CHD1L: variants seen among roughly 807,000 people sequenced by gnomAD.
CHD1L encodes ATP-dependent chromatin remodeler CHD1L.
In CHD1L, 118 loss-of-function variants were observed where a neutral mutation model predicts 115.9. That is an observed-to-expected ratio of 1.02 (90% CI 0.88 to 1.19). The LOEUF (loss-of-function observed/expected upper bound fraction) is 1.19, where lower values mean the gene tolerates loss of function less well. Among genes scored for constraint, CHD1L ranks in the 50% most tolerant of loss-of-function variants. The pLI, the probability that CHD1L is intolerant of heterozygous loss-of-function variation, is 0.00. For missense variants in CHD1L, 1,179 were observed against 1,065.3 expected, an observed-to-expected ratio of 1.11 and a Z score of -1.49; for synonymous variants, 411 against 387.1, an observed-to-expected ratio of 1.06 and a Z score of -0.72.
chr1:147,177,257 T>C, the CHD1L span, among the ~76,000 whole-genome samples: 1 of 152,136 alleles, frequency 6.6e-6, no homozygotes, highest in African/African-American at 2.4e-5. Context: ...AGGAGCCAAC[T>C]AAAAGAGCTC....
At chr1:147,259,787 AAT>A (rs1233120799) in intron 5 of CHD1L, 48 bp from the exon 6 acceptor site, 1 of 1,470,374 alleles carries the variant, frequency 6.8e-7, no homozygotes, top group Non-Finnish European at 9.5e-7. Context: ...TTGATTGTGA[AAT>A]ATGTGTTTAA....
intron 19 of CHD1L, among the ~76,000 whole-genome samples, chr1:147,290,814 T>G (rs781823328): frequency 5.9e-5 from 9 of 151,706 alleles, no homozygotes; most frequent in Non-Finnish European, 1.3e-4. Context: ...ACACCAAACC[T>G]AACTTTTTCT....
At chr1:147,287,276 A>G (rs782651939) in intron 18 of CHD1L, among the ~76,000 whole-genome samples, 10 of 152,166 alleles carry the variant, frequency 6.6e-5, no homozygotes, top group Non-Finnish European at 1.2e-4. Flanking sequence ...ACTGTTTCAT[A>G]ACCTTGCCTA....
chr1:147,190,324 C>T, the CHD1L span: 16 of 931,846 alleles, frequency 1.7e-5, no homozygotes, highest in Middle Eastern at 2.9e-4. Flanking sequence ...AATTACTATG[C>T]TATGGAGAAT....
chr1:147,269,794 C>G (rs1675442004), intron 10 of CHD1L, among the ~76,000 whole-genome samples: 1 of 152,106 alleles, frequency 6.6e-6, no homozygotes, highest in Non-Finnish European at 1.5e-5. Context: ...GCCCAGATTC[C>G]CATGGGTTTC....
At chr1:147,272,134 A>G in intron 11 of CHD1L, 37 bp from the exon 12 acceptor site, 2 of 1,541,114 alleles carry the variant, frequency 1.3e-6, no homozygotes, top group Non-Finnish European at 1.8e-6. Context: ...CTACTTGAAA[A>G]GGGTTAAGAT....
chr1:147,188,661 G>A, the CHD1L span, among the ~76,000 whole-genome samples: 7 of 151,004 alleles, frequency 4.6e-5, no homozygotes, highest in Non-Finnish European at 8.8e-5. Context: ...TTTAATAAAG[G>A]TTACATGTAT....
At position 147,295,482 on chromosome 1, in the gene CHD1L, TTCC is replaced by T. The variant is rs1553976324; in HGVS notation, c.2673_2675del (p.Ser892del). ...CTGTCCTTCATTCACAGTCTTCATC[TTCC>T]TCCTCAAGACAGCTGGTGCCTTAAG... is the stretch of plus-strand genomic sequence containing the variant. On this transcript the variant is annotated inframe_deletion, in exon 23 of 23. Transcript: ENST00000369258. The T allele has an allele frequency of 5.6e-6, 9 of 1,611,120 alleles. No individual in the cohort carries two copies. The highest frequency in any genetic ancestry group is 8.5e-7 in the Non-Finnish European group (1 of 1,178,406).
chr1:147,268,679 A>G (rs1249783535), intron 9 of CHD1L, 103 bp from the exon 10 acceptor site: 6 of 817,492 alleles, frequency 7.3e-6, no homozygotes, highest in Non-Finnish European at 1.2e-5. Flanking sequence ...CATGCAAACA[A>G]CTACTTATAT....
chr1:147,253,991 T>G (rs1553938146), intron 2 of CHD1L, among the ~76,000 whole-genome samples: 1 of 152,256 alleles, frequency 6.6e-6, no homozygotes, highest in African/African-American at 2.4e-5. Context: ...CTGTTTAATC[T>G]TGATAGGAAC....
At chr1:147,218,487 C>T in the CHD1L span, among the ~76,000 whole-genome samples, 1,932 of 152,186 alleles carry the variant, frequency 0.013, 41 homozygotes, top group African/African-American at 0.045. Context: ...CCGCCCGCCT[C>T]AGCCTCCCAA....
chr1:147,213,351 A>G, the CHD1L span: 3 of 1,613,286 alleles, frequency 1.9e-6, no homozygotes, highest in Non-Finnish European at 2.5e-6. Context: ...TGTGATGGCC[A>G]GTGCAAACCA....
At chr1:147,264,281 A>G (rs1398335654) in intron 6 of CHD1L, 141 bp from the exon 7 acceptor site, 13 of 722,502 alleles carry the variant, frequency 1.8e-5, no homozygotes, top group South Asian at 4.1e-5. Context: ...TGCAGCTTCA[A>G]CCTGAGCCAT....
the CHD1L span, chr1:147,187,131 G>A: frequency 1.9e-6 from 3 of 1,613,992 alleles, no homozygotes; most frequent in Admixed American, 5.0e-5. Context: ...ATGCCAGCTT[G>A]GGGTCAGTGA....
chr1:147,239,220 A>G (rs1664689521), upstream of CHD1L, among the ~76,000 whole-genome samples: 1 of 152,160 alleles, frequency 6.6e-6, no homozygotes, highest in African/African-American at 2.4e-5. Flanking sequence ...CCAAAGTATA[A>G]AAGAAAATCT....
intron 16 of CHD1L, 67 bp downstream of exon 16, chr1:147,284,566 G>T (rs1199521803): frequency 3.0e-6 from 3 of 1,002,194 alleles, no homozygotes; most frequent in East Asian, 2.7e-5. Flanking sequence ...ACAAAAAAAT[G>T]ATGCTGGCAT....
At chr1:147,244,000 G>A (rs1665784112) in intron 1 of CHD1L, among the ~76,000 whole-genome samples, 1 of 152,206 alleles carries the variant, frequency 6.6e-6, no homozygotes, top group Non-Finnish European at 1.5e-5. Flanking sequence ...GATTCCCTGA[G>A]TCTGTAAGAA....
chr1:147,204,171 C>A, the CHD1L span: 1 of 1,295,256 alleles, frequency 7.7e-7, no homozygotes, highest in South Asian at 1.2e-5. Flanking sequence ...AACACTGTTC[C>A]CTTAGTTTCT....
the CHD1L span, among the ~76,000 whole-genome samples, chr1:147,197,265 T>A: frequency 6.6e-6 from 1 of 152,186 alleles, no homozygotes; most frequent in African/African-American, 2.4e-5. Context: ...TTTTAGTAAA[T>A]TCCTATGTAG....
Sources: allele counts gnomAD v4.1 joint callset (sites outside exome capture counted in the v4.1 genomes callset), GRCh38; gene constraint gnomAD v4.1.1; transcripts MANE v1.5; gene names NCBI Gene and HGNC (gene_info 2026-07-23, HGNC 2026-07-21).